The following ITIH3 variants were observed in gnomAD, a reference collection of about 807,000 sequenced individuals.
ITIH3 encodes inter-alpha-trypsin inhibitor heavy chain H3.
Under a neutral mutation model 96.5 loss-of-function variants are expected in ITIH3, and 81 were observed. The ratio of observed to expected loss-of-function variants is 0.84; its 90% CI spans 0.70 to 1.01. The LOEUF is 1.01. Ranked by LOEUF, ITIH3 falls within the 50% of genes least tolerant of loss-of-function variation. ITIH3 has a pLI of 0.00. For missense variants in ITIH3, 1,057 were observed against 1,139.3 expected (o/e 0.93, Z 1.04); for synonymous variants, 422 against 445.2 (o/e 0.95, Z 0.66).
chr3:52,799,566 C>A, intron 8 of ITIH3, 78 bp downstream of exon 8: 1 of 1,153,468 alleles, frequency 8.7e-7, no homozygotes, highest in Non-Finnish European at 1.2e-6. Context: ...CTGGAAAAAG[C>A]TGATCTTTGT....
At chr3:52,805,888 C>T in intron 16 of ITIH3, 48 bp downstream of exon 16, 2 of 1,602,466 alleles carry the variant, frequency 1.2e-6, no homozygotes, top group Non-Finnish European at 1.7e-6. Context: ...TTAGAGCCTG[C>T]CCCTGCCACA....
Position 52,797,160 on chromosome 3 carries a change from A to G in ITIH3, c.442A>G (p.Ser148Gly), listed in dbSNP as rs1699620234. The G allele has an allele frequency of 6.2e-7, 1 of 1,609,926 alleles. No homozygotes were observed. The highest frequency in any genetic ancestry group is 8.5e-7 in the Non-Finnish European group (1 of 1,178,344). The change falls in exon 5 of 22, where the codon AGC (serine) becomes GGC (glycine). Residue 148 changes from serine (S) to glycine (G), a missense_variant. By Grantham distance (56) the Ser-to-Gly change is moderately conservative (BLOSUM62 0). Coordinates refer to ENST00000449956, the MANE Select transcript of ITIH3 (RefSeq NM_002217.4). ...FTVSVNVAAG[S>G]KVTFELTYEE... ...AGTCTCGGTCAACGTGGCTGCAGGC[A>G]GCAAAGTCACCTTCGAGCTAACCTA...
At chr3:52,806,627 C>T (rs556930739) in intron 18 of ITIH3, among the ~76,000 whole-genome samples, 1 of 152,298 alleles carries the variant, frequency 6.6e-6, no homozygotes, top group South Asian at 2.1e-4. Context: ...ACCACCTGGG[C>T]CTAGGGTAGG....
chr3:52,803,777 T>G, intron 13 of ITIH3, 78 bp from the exon 14 acceptor site: 1 of 1,511,372 alleles, frequency 6.6e-7, no homozygotes, highest in Non-Finnish European at 9.0e-7. Flanking sequence ...TCCCCAGCTG[T>G]GTCCACTGCT....
intron 14 of ITIH3, 29 bp downstream of exon 14, chr3:52,804,038 G>A (rs561967574): frequency 1.5e-5 from 24 of 1,600,902 alleles, no homozygotes; most frequent in Admixed American, 1.0e-4. Context: ...GCCGGAACCC[G>A]GAGGCCTCCT....
At chr3:52,803,615 G>A (rs573283203) in intron 13 of ITIH3, among the ~76,000 whole-genome samples, 5 of 152,298 alleles carry the variant, frequency 3.3e-5, no homozygotes, top group South Asian at 2.1e-4. Context: ...CACCATGCCC[G>A]GCCGGTCCTT....
chr3:52,806,391 C>T lies in ITIH3; in HGVS notation c.2041C>T (p.Gln681Ter), dbSNP rs760019650. 6 of 1,613,222 alleles carry T rather than the reference C, an allele frequency of 3.7e-6. No homozygotes were observed. Among genetic ancestry groups the T allele is most frequent in the Non-Finnish European group, 3.4e-6 (4 of 1,179,458 alleles). The change falls in exon 18 of 22, where the codon CAG (glutamine) becomes TAG (stop). Residue 681 changes from glutamine (Q) to a stop codon, truncating the protein, a stop_gained. Transcript: ENST00000449956. LOFTEE classifies it high-confidence loss of function. Reference sequence around the variant, plus strand: ...CCCAGGCACAGTGCTGCGCCTTATTCAGGATGCAGTCACAGGTGAGGCTTG... The same window carrying T: ...CCCAGGCACAGTGCTGCGCCTTATTTAGGATGCAGTCACAGGTGAGGCTTG... ...EAPGTVLRLI[Q>*]DAVTGLTVNG...
chr3:52,808,300 C>G, intron 21 of ITIH3, 79 bp downstream of exon 21: 1 of 1,268,730 alleles, frequency 7.9e-7, no homozygotes, highest in Non-Finnish European at 1.1e-6. Context: ...GCACATTAGT[C>G]TGGTGGGCTT....
chr3:52,804,820 C>A, intron 15 of ITIH3, 86 bp downstream of exon 15: 4 of 1,457,122 alleles, frequency 2.7e-6, no homozygotes, highest in Non-Finnish European at 3.8e-6. Context: ...AAGATAGGAC[C>A]CCCAGCCATG....
chr3:52,802,173 G>A (rs1414838751), intron 11 of ITIH3, 161 bp from the exon 12 acceptor site: 6 of 635,012 alleles, frequency 9.4e-6, no homozygotes, highest in East Asian at 2.9e-5. Flanking sequence ...GGGAGTTGCC[G>A]GGGGGAGGCC....
At position 52,807,056 on chromosome 3, in the gene ITIH3, G is replaced by A. The variant is rs200247457; in HGVS notation, c.2212G>A (p.Val738Met). The change falls in exon 19 of 22, where the codon GTG becomes ATG. Residue 738 changes from valine (V) to methionine (M), a missense_variant. Val to Met is a conservative substitution (Grantham distance 21). Coordinates refer to ENST00000449956, the MANE Select transcript of ITIH3 (RefSeq NM_002217.4). ...TEKITLWNRA[V>M]PSTFSWLDTV... ...GAAGATCACCCTGTGGAACAGGGCC[G>A]TGCCGAGCACTTTCAGCTGGCTGGA... 29 of 1,600,228 alleles carry A rather than the reference G, an allele frequency of 1.8e-5. No homozygotes were observed. The highest frequency in any genetic ancestry group is 1.4e-4 in the South Asian group (12 of 88,202).
rs948613629 is a variant in ITIH3 at position 52,796,802 on chromosome 3, T to C, written c.345T>C (p.Tyr115=). Residue 115 remains tyrosine (Y), a synonymous_variant, in exon 4 of 22, where the codon TAT becomes TAC. Transcript: ENST00000449956. ...VKEKEVAKKQ[Y]EKAVSQGKTA... ...AGAAGGAAGTTGCCAAGAAGCAGTATGAAAAGGCTGTGTCCCAGGGCAAGA... is the reference window on the plus strand; with the variant it reads ...AGAAGGAAGTTGCCAAGAAGCAGTACGAAAAGGCTGTGTCCCAGGGCAAGA... 8.1e-6 allele frequency: 13 copies of C among 1,612,570 alleles called. No homozygotes were observed. In the African/African-American group the frequency reaches 1.7e-4, roughly 22 times the overall value.
rs1028433940 is a variant in ITIH3, at chr3:52,804,191, G to C, written c.1864+182G>C. ...GAGCGTGAAGCAGTCAGCATGGACA[G>C]TGGGGTGTGGGGTGAATAGGAGCCT... On this transcript the variant is annotated intron_variant, in intron 14 of 21. Transcript: ENST00000449956. 4.4e-5 allele frequency: 27 copies of C among 620,690 alleles called. 1 individual carries two copies. In the South Asian group the frequency reaches 5.1e-4, roughly 12 times the overall value. The allele number at this position is 620,690 out of a possible 1,614,324, so 38.4% of individuals were successfully genotyped here.
chr3:52,802,736 G>C lies in ITIH3; in HGVS notation c.1639G>C (p.Asp547His). 6.2e-7 allele frequency: 1 copy of C among 1,613,988 alleles called. No individual in the cohort carries two copies. Among genetic ancestry groups the C allele is most frequent in the South Asian group, 1.1e-5 (1 of 91,080 alleles). The change falls in exon 13 of 22, where the codon GAC (aspartate) becomes CAC (histidine). Residue 547 changes from aspartate to histidine, a missense_variant. By Grantham distance (81) the Asp-to-His change is moderately conservative. Coordinates refer to ENST00000449956, the MANE Select transcript of ITIH3 (RefSeq NM_002217.4). ...KEMEKALQERDYIFGNYIERL... is the reference protein window; with the variant it reads ...KEMEKALQERHYIFGNYIERL... ...GATGGAGAAGGCCCTGCAGGAGCGG[G>C]ACTACATCTTCGGGAATTACATTGA...
In ITIH3 at chr3:52,799,464, C is replaced by G; in HGVS notation, c.882C>G (p.Ser294=). 1 of 1,611,770 alleles carries G rather than the reference C, an allele frequency of 6.2e-7. No homozygotes were observed. Among genetic ancestry groups the G allele is most frequent in the Non-Finnish European group, 8.5e-7 (1 of 1,178,950 alleles). Residue 294 remains serine, a synonymous_variant, in exon 8 of 22, where the codon TCC becomes TCG. Transcript: ENST00000449956. ...NVAFVIDISG[S]MAGRKLEQTK... The stretch of plus-strand genomic sequence containing the variant: ...CCTTTGTGATTGACATCAGCGGCTC[C>G]ATGGCTGGTCGGAAATTAGAGCAGG...
chr3:52,806,339 T>C lies in ITIH3; in HGVS notation c.1989T>C (p.Asp663=). ...TCATCCAAATTCCGGAGAAAGACGA[T>C]GCCCTCTGCTTCAACATCGATGAAG... ...HFIIQIPEKD[D]ALCFNIDEAP... The change falls in exon 18 of 22, where the codon GAT becomes GAC. Residue 663 remains aspartate (D), a synonymous_variant. Coordinates refer to ENST00000449956, the MANE Select transcript of ITIH3 (RefSeq NM_002217.4). The C allele has an allele frequency of 6.2e-7, 1 of 1,613,958 alleles. No homozygotes were observed. Among genetic ancestry groups the C allele is most frequent in the Non-Finnish European group, 8.5e-7 (1 of 1,179,862 alleles).
intron 4 of ITIH3, 46 bp downstream of exon 4, chr3:52,796,889 G>T: frequency 7.6e-7 from 1 of 1,316,756 alleles, no homozygotes; most frequent in Admixed American, 2.3e-5. Flanking sequence ...TGGGATCCAA[G>T]GGCCTTCAGG....
chr3:52,798,005 T>C, intron 6 of ITIH3, 75 bp downstream of exon 6: 2 of 891,266 alleles, frequency 2.2e-6, no homozygotes, highest in East Asian at 5.3e-5. Flanking sequence ...GCCTGCAGCC[T>C]AGGGCTTAGC....
intron 11 of ITIH3, chr3:52,802,077 C>A: frequency 2.2e-6 from 1 of 450,768 alleles, no homozygotes. Context: ...GCTAAGAACT[C>A]TGTCCTTTCA....
Sources: allele counts gnomAD v4.1 joint callset (sites outside exome capture counted in the v4.1 genomes callset), GRCh38; gene constraint gnomAD v4.1.1; transcripts MANE v1.5; gene names NCBI Gene and HGNC (gene_info 2026-07-23, HGNC 2026-07-21).